Variants in SCFD2 observed in about 807,000 individuals in gnomAD.
SCFD2 encodes sec1 family domain containing 2, also known as sec1 family domain-containing protein 2.
A neutral mutation model predicts 58.9 loss-of-function variants in SCFD2; 54 were observed. The observed-to-expected ratio is 0.92, with a 90% CI of 0.74 to 1.15. The LOEUF (loss-of-function observed/expected upper bound fraction) is 1.15, where lower values mean the gene tolerates loss of function less well. Among genes scored for constraint, SCFD2 ranks in the 50% most tolerant of loss-of-function variants. The pLI is 0.00. For missense variants in SCFD2, 805 were observed against 836.6 expected (o/e 0.96, Z 0.47); for synonymous variants, 321 against 335.9 (o/e 0.96, Z 0.49).
chr4:52,976,197 G>A (rs952410739), intron 5 of SCFD2, among the ~76,000 whole-genome samples: 3 of 151,986 alleles, frequency 2.0e-5, no homozygotes, highest in African/African-American at 7.2e-5. Context: ...TTGTTTCTAA[G>A]ATTCTATTCG....
chr4:53,164,804 A>AAG (rs1553882342), intron 4 of SCFD2, among the ~76,000 whole-genome samples: 13 of 143,928 alleles, frequency 9.0e-5, no homozygotes, highest in Middle Eastern at 3.8e-3. Context: ...AAAAAAAAAA[A>AAG]AAGAAGAAGA....
At chr4:53,147,831 T>A (rs1292978958) in intron 4 of SCFD2, among the ~76,000 whole-genome samples, 1 of 152,264 alleles carries the variant, frequency 6.6e-6, no homozygotes, top group Admixed American at 6.5e-5. Flanking sequence ...AGTTTATGAA[T>A]TCCTGTTGGG....
intron 3 of SCFD2, among the ~76,000 whole-genome samples, chr4:53,312,397 T>G (rs1175318829): frequency 1.3e-5 from 2 of 152,192 alleles, no homozygotes; most frequent in African/African-American, 2.4e-5. Flanking sequence ...CTTATTTTTC[T>G]GTTTCAGTTT....
At chr4:52,877,421 T>A (rs937843127) in intron 8 of SCFD2, among the ~76,000 whole-genome samples, 1 of 151,992 alleles carries the variant, frequency 6.6e-6, no homozygotes, top group Non-Finnish European at 1.5e-5. Context: ...GATAGTACAG[T>A]GGTTAAGAGC....
intron 4 of SCFD2, among the ~76,000 whole-genome samples, chr4:53,169,553 G>T (rs868665507): frequency 6.6e-6 from 1 of 151,968 alleles, no homozygotes; most frequent in Non-Finnish European, 1.5e-5. Context: ...CGTTTGCTTT[G>T]GATATATACC....
chr4:52,966,678 T>C (rs1159073772), intron 5 of SCFD2, among the ~76,000 whole-genome samples: 4 of 152,216 alleles, frequency 2.6e-5, no homozygotes, highest in African/African-American at 9.6e-5. Context: ...AAAGATTTCT[T>C]ATATAATTTA....
At chr4:53,082,897 C>T (rs575351224) in intron 5 of SCFD2, among the ~76,000 whole-genome samples, 20 of 152,138 alleles carry the variant, frequency 1.3e-4, no homozygotes, top group East Asian at 5.8e-4. Context: ...CATGGGCCTC[C>T]AGTTTAAGAC....
chr4:52,910,218 T>C (rs867224208), intron 6 of SCFD2, among the ~76,000 whole-genome samples: 4 of 152,222 alleles, frequency 2.6e-5, no homozygotes, highest in African/African-American at 9.6e-5. Flanking sequence ...ATTTCAGAAG[T>C]CTCCTTTTTA....
chr4:53,270,295 A>T (rs137896211), intron 4 of SCFD2, among the ~76,000 whole-genome samples: 218 of 152,344 alleles, frequency 1.4e-3, no homozygotes, highest in African/African-American at 4.9e-3. Flanking sequence ...ATCTGCATTA[A>T]ACAAAATGCA....
At chr4:53,322,332 T>C (rs1023149881) in intron 2 of SCFD2, among the ~76,000 whole-genome samples, 1 of 152,140 alleles carries the variant, frequency 6.6e-6, no homozygotes, top group Non-Finnish European at 1.5e-5. Flanking sequence ...TGCATTAGCA[T>C]GCTAAAAGAC....
chr4:53,139,524 C>G (rs1251318774), intron 5 of SCFD2, among the ~76,000 whole-genome samples: 1 of 86,382 alleles, frequency 1.2e-5, no homozygotes, highest in Non-Finnish European at 3.4e-5. Context: ...CCCCTCTGCC[C>G]GGCAGCTGCC....
chr4:53,023,457 C>T (rs566890957), intron 5 of SCFD2, among the ~76,000 whole-genome samples: 1 of 151,880 alleles, frequency 6.6e-6, no homozygotes, highest in Non-Finnish European at 1.5e-5. Flanking sequence ...GAGGCTTAGC[C>T]CCTACTCACA....
chr4:53,034,955 A>G (rs1301695205), intron 5 of SCFD2, among the ~76,000 whole-genome samples: 1 of 152,234 alleles, frequency 6.6e-6, no homozygotes, highest in Non-Finnish European at 1.5e-5. Flanking sequence ...GACTTTCTTC[A>G]CAGAATTGGA....
At chr4:52,956,350 G>A in intron 5 of SCFD2, 1 of 392,884 alleles carries the variant, frequency 2.5e-6, no homozygotes, top group Middle Eastern at 4.3e-4. Flanking sequence ...ATGTTAGATA[G>A]GGCTTTTTAT....
intron 1 of SCFD2, among the ~76,000 whole-genome samples, chr4:53,361,912 G>A (rs2149174258): frequency 6.6e-6 from 1 of 152,062 alleles, no homozygotes; most frequent in East Asian, 1.9e-4. Flanking sequence ...TGGTATCTAC[G>A]ACCTTTAATC....
intron 5 of SCFD2, chr4:52,949,266 T>C (rs1332761909): frequency 3.5e-5 from 5 of 141,630 alleles, no homozygotes; most frequent in Admixed American, 3.3e-4. Context: ...CATAAATATT[T>C]CACAAATATT....
intron 5 of SCFD2, among the ~76,000 whole-genome samples, chr4:53,011,220 CTG>C (rs756343999): frequency 1.3e-5 from 2 of 152,198 alleles, no homozygotes; most frequent in African/African-American, 2.4e-5. Context: ...TCCTAAATCT[CTG>C]TGCACCTTAT....
intron 4 of SCFD2, among the ~76,000 whole-genome samples, chr4:53,239,140 C>T (rs1241337202): frequency 1.3e-5 from 2 of 151,036 alleles, no homozygotes; most frequent in Non-Finnish European, 2.9e-5. Context: ...TGGTGGATCA[C>T]GTGCGGTTAG....
At chr4:53,168,122 T>C (rs1727063405) in intron 4 of SCFD2, among the ~76,000 whole-genome samples, 1 of 152,192 alleles carries the variant, frequency 6.6e-6, no homozygotes, top group Non-Finnish European at 1.5e-5. Flanking sequence ...AATCAGACTT[T>C]AGATAACAAG....
Sources: gnomAD v4.1 joint callset for allele counts (sites outside exome capture counted in the v4.1 genomes callset) on GRCh38, gnomAD v4.1.1 for gene constraint, MANE v1.5 for transcripts, NCBI Gene and HGNC (gene_info 2026-07-23, HGNC 2026-07-21) for gene names.